Variants in CFAP221 observed in about 807,000 individuals in gnomAD.
The protein encoded by CFAP221 is cilia and flagella associated protein 221, also known as cilia- and flagella-associated protein 221.
Under a neutral mutation model 113.1 loss-of-function variants are expected in CFAP221, and 97 were observed. The observed-to-expected ratio is 0.86, with a 90% CI of 0.73 to 1.02. The LOEUF is 1.02. CFAP221 is among the 50% of genes least tolerant of loss of function. CFAP221 has a pLI of 0.00. For synonymous variants in CFAP221, 331 were observed against 354.4 expected, an observed-to-expected ratio of 0.93 and a Z score of 0.74; for missense variants, 1,025 against 1,013.4, an observed-to-expected ratio of 1.01 and a Z score of -0.16.
Position 119,627,661 on chromosome 2 carries a change from T to G in CFAP221, c.1525T>G (p.Phe509Val). 6.2e-7 allele frequency: 1 copy of G among 1,613,454 alleles called. No homozygotes were observed. The highest frequency in any genetic ancestry group is 8.5e-7 in the Non-Finnish European group (1 of 1,179,750). Residue 509 changes from phenylalanine (F) to valine (V), a missense_variant, in exon 16 of 24, where the codon TTC (phenylalanine) becomes GTC (valine). Phe to Val is a conservative substitution (Grantham distance 50). Coordinates refer to ENST00000413369, the MANE Select transcript of CFAP221 (RefSeq NM_001271049.2). The part of the protein sequence containing the change: ...AKQSIAQEAN[F>V]FKFFLRRISQ... The stretch of plus-strand genomic sequence containing the variant: ...CTTTTTTTCACCCATAGAGGCGAAT[T>G]TCTTCAAATTCTTCCTGAGGCGGAT...
At chr2:119,639,306 C>T (rs774681260) in intron 20 of CFAP221, among the ~76,000 whole-genome samples, 3 of 152,218 alleles carry the variant, frequency 2.0e-5, no homozygotes. Context: ...CGTGACCTGC[C>T]TGGCTCTCCA....
chr2:119,632,834 G>A (rs1165173421), intron 19 of CFAP221, among the ~76,000 whole-genome samples: 1 of 151,890 alleles, frequency 6.6e-6, no homozygotes, highest in Non-Finnish European at 1.5e-5. Flanking sequence ...TTATATTTCT[G>A]TATACTAGCA....
Position 119,627,705 on chromosome 2 carries a change from C to T in CFAP221, c.1569C>T (p.Thr523=), listed in dbSNP as rs1442935192. 1.2e-6 allele frequency: 2 copies of T among 1,613,634 alleles called. No homozygotes were observed. The highest frequency in any genetic ancestry group is 1.7e-5 in the Admixed American group (1 of 59,966). Residue 523 remains threonine, a synonymous_variant, in exon 16 of 24, where the codon ACC becomes ACT. Coordinates refer to ENST00000413369, the MANE Select transcript of CFAP221 (RefSeq NM_001271049.2). ...FLRRISQDDY[T]SRFSVSPKEV... ...GGCGGATCAGTCAGGATGATTATAC[C>T]AGCCGGTTCTCTGTGTCGCCCAAGG...
intron 3 of CFAP221, among the ~76,000 whole-genome samples, chr2:119,553,464 T>TA (rs1302986001): frequency 6.6e-6 from 1 of 152,160 alleles, no homozygotes; most frequent in Admixed American, 6.5e-5. Context: ...TTGAGCAGGG[T>TA]TATGATGCAT....
At chr2:119,586,529 C>G (rs1192328724) in intron 6 of CFAP221, among the ~76,000 whole-genome samples, 1 of 152,184 alleles carries the variant, frequency 6.6e-6, no homozygotes, top group Non-Finnish European at 1.5e-5. Context: ...CCTCCACGTT[C>G]TCTAATGGTT....
chr2:119,603,499 G>T (rs1351922873), intron 8 of CFAP221, among the ~76,000 whole-genome samples: 1 of 152,192 alleles, frequency 6.6e-6, no homozygotes, highest in Admixed American at 6.5e-5. Context: ...TAAATTTGAG[G>T]TTGCTAACAT....
chr2:119,560,028 T>C lies in CFAP221; in HGVS notation c.426+2T>C. On this transcript the variant is annotated splice_donor_variant, in intron 5 of 23. Transcript: ENST00000413369. LOFTEE classifies it high-confidence loss of function. ...GACTGCATCCGTGTTCACTGTAAGG[T>C]AGGTCTCTTAAAATTGCTTTTTTTT... The C allele has an allele frequency of 6.7e-7, 1 of 1,495,880 alleles. No homozygotes were observed. The highest frequency in any genetic ancestry group is 1.8e-4 in the Middle Eastern group (1 of 5,684). The allele number at this position is 1,495,880 out of a possible 1,614,324, so 92.7% of individuals were successfully genotyped here. A position where few individuals can be genotyped will look rare whatever the true frequency, so the allele number is the denominator to read the frequency against.
intron 14 of CFAP221, among the ~76,000 whole-genome samples, chr2:119,622,972 C>T (rs181450724): frequency 6.6e-6 from 1 of 152,266 alleles, no homozygotes; most frequent in African/African-American, 2.4e-5. Context: ...ACAAGGATGC[C>T]CTCTCTCACC....
At chr2:119,607,032 T>G (rs2104684562) in intron 11 of CFAP221, among the ~76,000 whole-genome samples, 1 of 152,342 alleles carries the variant, frequency 6.6e-6, no homozygotes, top group Non-Finnish European at 1.5e-5. Flanking sequence ...AACATTATTA[T>G]AATCACTTCC....
chr2:119,628,519 A>G (rs998698065), intron 16 of CFAP221, among the ~76,000 whole-genome samples: 11 of 152,194 alleles, frequency 7.2e-5, no homozygotes, highest in African/African-American at 1.2e-4. Context: ...TAGGTTTACC[A>G]TTTTTCAAAT....
chr2:119,617,164 T>A (rs1479016855), intron 14 of CFAP221, among the ~76,000 whole-genome samples: 2 of 152,238 alleles, frequency 1.3e-5, no homozygotes, highest in African/African-American at 4.8e-5. Flanking sequence ...TTACAGCTTG[T>A]CTTCCAGGCA....
At chr2:119,603,836 T>C (rs538575187) in intron 8 of CFAP221, among the ~76,000 whole-genome samples, 1 of 152,326 alleles carries the variant, frequency 6.6e-6, no homozygotes, top group South Asian at 2.1e-4. Flanking sequence ...AAGGTAGCAT[T>C]TCTGAATAGA....
chr2:119,611,834 T>A lies in CFAP221; in HGVS notation c.1311+92T>A, dbSNP rs1685187683. On this transcript the variant is annotated intron_variant, in intron 13 of 23. Coordinates refer to ENST00000413369, the MANE Select transcript of CFAP221 (RefSeq NM_001271049.2). ...GCTAAACAATTTTATAGAAATCCTTTACCAAGAGATATTTAATACTTTTTA... is the reference window on the plus strand; with the variant it reads ...GCTAAACAATTTTATAGAAATCCTTAACCAAGAGATATTTAATACTTTTTA... The A allele has an allele frequency of 4.3e-6, 4 of 927,858 alleles. No homozygotes were observed. The Admixed American group carries it at 9.7e-5, about 23-fold the overall frequency. The allele number at this position is 927,858 out of a possible 1,614,324, so 57.5% of individuals were successfully genotyped here.
At chr2:119,656,072 T>G (rs1574251002) in intron 23 of CFAP221, 3 of 370,862 alleles carry the variant, frequency 8.1e-6, no homozygotes, top group Non-Finnish European at 1.5e-5. Flanking sequence ...GCTACAATGC[T>G]GGGAGATGGG....
chr2:119,589,392 T>C (rs1237994974), intron 7 of CFAP221, among the ~76,000 whole-genome samples: 1 of 152,272 alleles, frequency 6.6e-6, no homozygotes, highest in East Asian at 1.9e-4. Context: ...TTGGAGGCCA[T>C]ACAGCTGGAC....
Position 119,630,887 on chromosome 2 carries a change from C to A in CFAP221, c.1960C>A (p.Pro654Thr), listed in dbSNP as rs377738201. ...EALAMSLDYD[P>T]LYVFNPNPGL... ...CTTAGCCATGTCTCTAGATTATGAT[C>A]CTCTGTATGTTTTTGTAAGTGACAA... Residue 654 changes from proline to threonine, a missense_variant, in exon 19 of 24, where the codon CCT becomes ACT. Coordinates refer to ENST00000413369, the MANE Select transcript of CFAP221 (RefSeq NM_001271049.2). 83 of 1,613,320 alleles carry A rather than the reference C, an allele frequency of 5.1e-5. No individual in the cohort carries two copies. The highest frequency in any genetic ancestry group is 7.0e-5 in the Non-Finnish European group (82 of 1,179,398).
At chr2:119,556,827 C>T (rs1342326921) in intron 3 of CFAP221, among the ~76,000 whole-genome samples, 1 of 152,300 alleles carries the variant, frequency 6.6e-6, no homozygotes. Flanking sequence ...GCTGGGATTA[C>T]AGGTGTGAGC....
At chr2:119,552,323 A>G (rs1680491601) in intron 3 of CFAP221, among the ~76,000 whole-genome samples, 1 of 145,282 alleles carries the variant, frequency 6.9e-6, no homozygotes, top group Admixed American at 6.9e-5. Context: ...AATAAGAAAT[A>G]AATAGAAATA....
intron 6 of CFAP221, among the ~76,000 whole-genome samples, chr2:119,585,879 G>A (rs1324446494): frequency 6.6e-6 from 1 of 152,200 alleles, no homozygotes; most frequent in African/African-American, 2.4e-5. Context: ...CACTGGGCAG[G>A]TAGGGAAGCC....
Sources: allele counts gnomAD v4.1 joint callset (sites outside exome capture counted in the v4.1 genomes callset), GRCh38; gene constraint gnomAD v4.1.1; transcripts MANE v1.5; gene names NCBI Gene and HGNC (gene_info 2026-07-23, HGNC 2026-07-21).